Variants in PGM3 observed in about 807,000 individuals in gnomAD.
PGM3 encodes phosphoacetylglucosamine mutase.
A neutral mutation model predicts 66.2 loss-of-function variants in PGM3; 40 were observed. That is an observed-to-expected ratio of 0.60 (90% CI 0.47 to 0.79). PGM3 has a LOEUF of 0.79. Among genes scored for constraint, PGM3 ranks in the 30% least tolerant of loss-of-function variants. The probability of loss-of-function intolerance (pLI) is 0.00; values close to 1 mark genes in which losing one functional copy is unlikely to be tolerated. For synonymous variants in PGM3, 191 were observed against 224.2 expected, an observed-to-expected ratio of 0.85 and a Z score of 1.32; for missense variants, 537 against 643.4, an observed-to-expected ratio of 0.83 and a Z score of 1.79.
At chr6:83,157,376 T>G, downstream of PGM3, 1 of 1,543,612 alleles carries the variant, frequency 6.5e-7, no homozygotes, top group South Asian at 1.1e-5. Context: ...AGTGATTAGT[T>G]TCCATGTGCT....
rs918340240 is a variant in PGM3 at position 83,190,316 on chromosome 6, TCTAA to T, written c.204+489_204+492del. 4.6e-5 allele frequency among the ~76,000 whole-genome samples: 7 copies of T among 152,172 alleles called. No homozygotes were observed. The East Asian group carries it at 1.2e-3, about 25-fold the overall frequency. On this transcript the variant is annotated intron_variant, in intron 2 of 12. Transcript: ENST00000513973. ...GTCAAAAAGAATACTTTGATTAAAA[TCTAA>T]CTGTCACAAAGACTAGAACTATCAG... is the stretch of plus-strand genomic sequence containing the variant.
At chr6:83,188,884 C>G in intron 2 of PGM3, 86 bp from the exon 3 acceptor site, 1 of 1,066,876 alleles carries the variant, frequency 9.4e-7, no homozygotes, top group East Asian at 2.5e-5. Context: ...TTCCCTTCAA[C>G]CAAAGACAGT....
chr6:83,152,608 TTTTTTC>T, the PGM3 span, among the ~76,000 whole-genome samples: 1 of 151,084 alleles, frequency 6.6e-6, no homozygotes. Context: ...TTTTATGTGT[TTTTTTC>T]TTTTTCTTTT....
At chr6:83,158,059 C>T (rs1043168551), downstream of PGM3, among the ~76,000 whole-genome samples, 27 of 151,604 alleles carry the variant, frequency 1.8e-4, no homozygotes, top group African/African-American at 6.1e-4. Flanking sequence ...AGTGCAGTGG[C>T]GAGATCTCAG....
intron 5 of PGM3, among the ~76,000 whole-genome samples, chr6:83,182,535 C>T (rs1788249464): frequency 6.6e-6 from 1 of 152,214 alleles, no homozygotes; most frequent in African/African-American, 2.4e-5. Flanking sequence ...ATTAAGCCAA[C>T]AGCACCTACA....
chr6:83,187,073 G>GTA lies in PGM3; in HGVS notation c.391_392insTA (p.Pro131LeufsTer11). 1 of 1,596,242 alleles carries GTA rather than the reference G, an allele frequency of 6.3e-7. No homozygotes were observed. Among genetic ancestry groups the GTA allele is most frequent in the Non-Finnish European group, 8.6e-7 (1 of 1,164,764 alleles). ...AGATTGTGAAAGTTTCTCACTGCTG[G>GTA]GCCTAGGAAAGAAAAGGAAGAAAAT... On this transcript the variant is annotated frameshift_variant and splice_region_variant, in exon 4 of 13. Coordinates refer to ENST00000513973, the MANE Select transcript of PGM3 (RefSeq NM_015599.3). LOFTEE classifies it high-confidence loss of function.
At chr6:83,155,740 C>T in the PGM3 span, among the ~76,000 whole-genome samples, 1,825 of 152,260 alleles carry the variant, frequency 0.012, 20 homozygotes, top group Non-Finnish European at 0.018. Flanking sequence ...CTAAATTTTC[C>T]TCTCCATCAC....
At chr6:83,154,402 G>A in the PGM3 span, 45 of 621,446 alleles carry the variant, frequency 7.2e-5, no homozygotes, top group South Asian at 7.8e-4. Context: ...CTTTCTGTAC[G>A]CTATGGGAAT....
In PGM3 at chr6:83,188,689, A is replaced by G. The variant is rs1311114688; in HGVS notation, c.314T>C (p.Val105Ala). The G allele has an allele frequency of 6.2e-7, 1 of 1,613,686 alleles. No homozygotes were observed. The highest frequency in any genetic ancestry group is 1.3e-5 in the African/African-American group (1 of 74,866). Residue 105 changes from valine (V) to alanine (A), a missense_variant, in exon 3 of 13, where the codon GTG becomes GCG. Val to Ala is a moderately conservative substitution (Grantham distance 64, BLOSUM62 0). Transcript: ENST00000513973. Reference protein sequence around the residue: ...ANAEEQDMQRVLIDISEKEAV... With the variant: ...ANAEEQDMQRALIDISEKEAV... ...TTCTTTCTCGCTGATGTCAATAAGC[A>G]CTCTCTGCATATCTTGTTCCTCAGC...
Position 83,182,916 on chromosome 6 carries a change from G to A in PGM3, c.520C>T (p.Arg174Ter), listed in dbSNP as rs762678772. The change falls in exon 5 of 13, where the codon CGA (arginine) becomes TGA (stop). Residue 174 changes from arginine (R) to a stop codon, truncating the protein, a stop_gained. Coordinates refer to ENST00000513973, the MANE Select transcript of PGM3 (RefSeq NM_015599.3). LOFTEE classifies it high-confidence loss of function. ...CCTTCTATAGTTGCCTTTCCATATC[G>A]GCCACCCGTGTTTCGACAATACACC... The part of the protein sequence containing the change: ...YMVYCRNTGG[R>*]YGKATIEGYY... 5 of 1,613,706 alleles carry A rather than the reference G, an allele frequency of 3.1e-6. No individual in the cohort carries two copies. Among genetic ancestry groups the A allele is most frequent in the South Asian group, 2.2e-5 (2 of 91,078 alleles).
intron 4 of PGM3, among the ~76,000 whole-genome samples, chr6:83,183,839 C>A (rs921533738): frequency 6.6e-6 from 1 of 152,060 alleles, no homozygotes; most frequent in South Asian, 2.1e-4. Context: ...GATTCTCCTG[C>A]CAAGTAGCTG....
chr6:83,188,855 A>G, intron 2 of PGM3, 57 bp from the exon 3 acceptor site: 1 of 1,447,822 alleles, frequency 6.9e-7, no homozygotes, highest in Non-Finnish European at 9.6e-7. Context: ...CTGAGTTGAG[A>G]ACAGAACTCA....
rs776652138 is a variant in PGM3, at chr6:83,174,401, A to C, written c.1215T>G (p.Leu405=). The C allele has an allele frequency of 6.3e-7, 1 of 1,599,756 alleles. No individual in the cohort carries two copies. Among genetic ancestry groups the C allele is most frequent in the Non-Finnish European group, 8.6e-7 (1 of 1,169,336 alleles). ...EDKKRKAAKM[L]ENIIDLFNQA... is the part of the protein sequence containing the mutation. ...GGTTAAACAAGTCAATAATGTTTTC[A>C]AGCATCTTAGCAGCTTTTCTTTTCT... Residue 405 remains leucine (L), a synonymous_variant, in exon 10 of 13, where the codon CTT becomes CTG. Transcript: ENST00000513973.
the PGM3 span, chr6:83,153,498 T>C: frequency 2.3e-5 from 36 of 1,558,618 alleles, no homozygotes; most frequent in South Asian, 3.1e-4. Flanking sequence ...CTTCATTTTT[T>C]ATGTTTTCAT....
At chr6:83,170,535 C>A in intron 11 of PGM3, 57 bp from the exon 12 acceptor site, 1 of 1,376,234 alleles carries the variant, frequency 7.3e-7, no homozygotes, top group Non-Finnish European at 1.0e-6. Context: ...AGAAGCTTAA[C>A]CTGTTAAACA....
At position 83,190,806 on chromosome 6, in the gene PGM3, T is replaced by C. The variant is rs1424787943; in HGVS notation, c.204+3A>G. 2 of 1,610,322 alleles carry C rather than the reference T, an allele frequency of 1.2e-6. No individual in the cohort carries two copies. Among genetic ancestry groups the C allele is most frequent in the Admixed American group, 3.3e-5 (2 of 60,026 alleles). The stretch of plus-strand genomic sequence containing the variant: ...TGCTTTATCAGGGCACTAAACCCAT[T>C]ACCTCAGGATTGTGGGACGCTGTTA... On this transcript the variant is annotated splice_donor_region_variant and intron_variant, in intron 2 of 12. Coordinates refer to ENST00000513973, the MANE Select transcript of PGM3 (RefSeq NM_015599.3).
intron 8 of PGM3, among the ~76,000 whole-genome samples, chr6:83,177,702 C>T (rs942021490): frequency 1.3e-5 from 2 of 152,110 alleles, no homozygotes; most frequent in Non-Finnish European, 2.9e-5. Context: ...TCCAATAGCC[C>T]GATTTTAATA....
At chr6:83,171,825 G>T in intron 11 of PGM3, 112 bp downstream of exon 11, 1 of 852,736 alleles carries the variant, frequency 1.2e-6, no homozygotes, top group Non-Finnish European at 1.9e-6. Context: ...TATCATATGT[G>T]TATGTACAGA....
chr6:83,178,825 T>A, intron 7 of PGM3, 69 bp from the exon 8 acceptor site: 1 of 910,182 alleles, frequency 1.1e-6, no homozygotes, highest in Non-Finnish European at 1.8e-6. Context: ...ATAATGAGAG[T>A]TCTAAAGGCT....
Sources: allele counts gnomAD v4.1 joint callset (sites outside exome capture counted in the v4.1 genomes callset), GRCh38; gene constraint gnomAD v4.1.1; transcripts MANE v1.5; gene names NCBI Gene and HGNC (gene_info 2026-07-23, HGNC 2026-07-21).